G3BP1: variants seen among roughly 807,000 people sequenced by gnomAD.
G3BP1 encodes the protein G3BP stress granule assembly factor 1.
In G3BP1, 35 loss-of-function variants were observed where a neutral mutation model predicts 58.6. The observed-to-expected ratio is 0.60, with a 90% CI of 0.46 to 0.79. The LOEUF is 0.79. Among genes scored for constraint, G3BP1 ranks in the 30% least tolerant of loss-of-function variants. G3BP1 has a pLI of 0.00. For missense variants in G3BP1, 523 were observed against 580.8 expected (o/e 0.90, Z 1.02); for synonymous variants, 191 against 195.4 (o/e 0.98, Z 0.19).
Position 151,786,581 on chromosome 5 carries a change from T to C in G3BP1, c.-40T>C, listed in dbSNP as rs569792188. 2 of 1,251,542 alleles carry C rather than the reference T, an allele frequency of 1.6e-6. No homozygotes were observed. Among genetic ancestry groups the C allele is most frequent in the African/African-American group, 2.9e-5 (2 of 68,108 alleles). The allele number at this position is 1,251,542 out of a possible 1,614,324, so 77.5% of individuals were successfully genotyped here. A position where few individuals can be genotyped will look rare whatever the true frequency, so the allele number is the denominator to read the frequency against. ...GTGTTTGATCCTTCAGGTTTGGACA[T>C]ATTTGACTCTTTTCCCCCCAGGTTG... On this transcript the variant is annotated 5_prime_UTR_variant, in exon 2 of 12. Transcript: ENST00000356245.
chr5:151,803,865 G>C lies in G3BP1; in HGVS notation c.1195-20G>C, dbSNP rs182597886. 1.5e-3 allele frequency: 2,274 copies of C among 1,554,934 alleles called. 4 individuals are homozygous for C. Among genetic ancestry groups the C allele is most frequent in the Non-Finnish European group, 1.6e-3 (1,800 of 1,127,094 alleles). On this transcript the variant is annotated intron_variant, in intron 11 of 11. Coordinates refer to ENST00000356245, the MANE Select transcript of G3BP1 (RefSeq NM_005754.3). ...CCAGCTCATCAGTACTCTTAAGTCTGGTCACCTTGATTCTTACAGCCCATC... is the reference window on the plus strand; with the variant it reads ...CCAGCTCATCAGTACTCTTAAGTCTCGTCACCTTGATTCTTACAGCCCATC...
At position 151,800,776 on chromosome 5, in the gene G3BP1, G is replaced by C. The variant is rs774554057; in HGVS notation, c.1101G>C (p.Val367=). Residue 367 remains valine, a synonymous_variant, in exon 11 of 12, where the codon GTG becomes GTC. Transcript: ENST00000356245. ...CACTTGCAGGTTATGGAAACGTGGT[G>C]GAGTTGCGCATTAACAGTGGTGGGA... ...KDFFQSYGNV[V]ELRINSGGKL... 1.6e-5 allele frequency: 25 copies of C among 1,607,622 alleles called. No individual in the cohort carries two copies. The highest frequency in any genetic ancestry group is 2.0e-5 in the Non-Finnish European group (24 of 1,174,208).
chr5:151,781,672 C>T (rs929117049), intron 1 of G3BP1, among the ~76,000 whole-genome samples: 3 of 152,226 alleles, frequency 2.0e-5, no homozygotes, highest in African/African-American at 7.2e-5. Context: ...GGTTACCTGT[C>T]ATTTCAGAGA....
chr5:151,776,547 T>C (rs1184916591), intron 1 of G3BP1, among the ~76,000 whole-genome samples: 2 of 152,224 alleles, frequency 1.3e-5, no homozygotes, highest in East Asian at 3.8e-4. Context: ...GCAGCTATTA[T>C]TACTTCGGGG....
rs765896498 is a variant in G3BP1 at position 151,786,583 on chromosome 5, T to C, written c.-38T>C. The C allele has an allele frequency of 7.7e-7, 1 of 1,298,874 alleles. No individual in the cohort carries two copies. The highest frequency in any genetic ancestry group is 1.1e-6 in the Non-Finnish European group (1 of 892,278). 80.5% of individuals were successfully genotyped at this position (1,298,874 alleles called of 1,614,324 possible). A position where few individuals can be genotyped will look rare whatever the true frequency, so the allele number is the denominator to read the frequency against. On this transcript the variant is annotated 5_prime_UTR_variant, in exon 2 of 12. Transcript: ENST00000356245. ...GTTTGATCCTTCAGGTTTGGACATA[T>C]TTGACTCTTTTCCCCCCAGGTTGAA...
chr5:151,792,154 G>A, intron 4 of G3BP1: 1 of 456,054 alleles, frequency 2.2e-6, no homozygotes, highest in Admixed American at 2.4e-5. Flanking sequence ...AGTTTATGTT[G>A]AATGATTGCA....
chr5:151,796,142 A>G lies in G3BP1; in HGVS notation c.539+567A>G, dbSNP rs145644776. Among the ~76,000 whole-genome samples the G allele has an allele frequency of 1.4e-3, 209 of 152,274 alleles. 1 individual carries two copies. Among genetic ancestry groups the G allele is most frequent in the African/African-American group, 4.7e-3 (195 of 41,540 alleles). ...ATTCAGTGCCTGAAGGGTGTTTTCA[A>G]GTGTTTCTTAAGGTGTGATGAACTA... On this transcript the variant is annotated intron_variant, in intron 6 of 11. Transcript: ENST00000356245.
intron 1 of G3BP1, among the ~76,000 whole-genome samples, chr5:151,775,603 C>T (rs555857314): frequency 6.6e-6 from 1 of 152,374 alleles, no homozygotes; most frequent in East Asian, 1.9e-4. Context: ...AAGCCATAGG[C>T]TGTGCCTTAA....
chr5:151,805,140 C>T lies in G3BP1; in HGVS notation c.*1049C>T, dbSNP rs1062177. On this transcript the variant is annotated 3_prime_UTR_variant, in exon 12 of 12. Coordinates refer to ENST00000356245, the MANE Select transcript of G3BP1 (RefSeq NM_005754.3). ...AGCATTTGTATTTTTATTCTGGTATCTAATCAGATTCCTAATCATAGCCCG... is the reference window on the plus strand; with the variant it reads ...AGCATTTGTATTTTTATTCTGGTATTTAATCAGATTCCTAATCATAGCCCG... 0.2 allele frequency: 30,056 copies of T among 152,470 alleles called. 3,716 individuals carry two copies. The highest frequency in any genetic ancestry group is 0.32 in the South Asian group (1,539 of 4,826). The allele number at this position is 152,470 out of a possible 1,614,324, so 9.4% of individuals were successfully genotyped here.
At chr5:151,795,444 G>A in intron 5 of G3BP1, 35 bp from the exon 6 acceptor site, 1 of 1,101,846 alleles carries the variant, frequency 9.1e-7, no homozygotes, top group Non-Finnish European at 1.4e-6. Context: ...AATTCAGTAA[G>A]TACAAATTAC....
At chr5:151,785,133 G>GT (rs1762535903) in intron 1 of G3BP1, among the ~76,000 whole-genome samples, 1 of 152,176 alleles carries the variant, frequency 6.6e-6, no homozygotes, top group Admixed American at 6.5e-5. Flanking sequence ...GATTACAGGC[G>GT]TGAGCCACCG....
At chr5:151,775,119 T>G (rs1220628681) in intron 1 of G3BP1, among the ~76,000 whole-genome samples, 1 of 152,132 alleles carries the variant, frequency 6.6e-6, no homozygotes, top group Non-Finnish European at 1.5e-5. Flanking sequence ...GTAAATAAGG[T>G]CTTTAGGCGA....
chr5:151,809,837 C>T lies in G3BP1; in HGVS notation c.*5746C>T, dbSNP rs1314784095. ...TCTGTAGTTTTCATACCCCTGTTTT[C>T]TCAATTTTCTTAGAACTGTCTTTAA... On this transcript the variant is annotated 3_prime_UTR_variant, in exon 12 of 12. Coordinates refer to ENST00000356245, the MANE Select transcript of G3BP1 (RefSeq NM_005754.3). 1.3e-5 allele frequency: 2 copies of T among 152,148 alleles called. No homozygotes were observed. The highest frequency in any genetic ancestry group is 4.8e-5 in the African/African-American group (2 of 41,428). 9.4% of individuals were successfully genotyped at this position (152,148 alleles called of 1,614,324 possible). A position where few individuals can be genotyped will look rare whatever the true frequency, so the allele number is the denominator to read the frequency against.
At chr5:151,774,013 C>T (rs1158500423) in intron 1 of G3BP1, among the ~76,000 whole-genome samples, 1 of 152,174 alleles carries the variant, frequency 6.6e-6, no homozygotes, top group Non-Finnish European at 1.5e-5. Context: ...TGGGCAGGAA[C>T]ATGAAAATTA....
chr5:151,800,677 G>C, intron 10 of G3BP1, 83 bp from the exon 11 acceptor site: 1 of 836,142 alleles, frequency 1.2e-6, no homozygotes, highest in Non-Finnish European at 2.1e-6. Flanking sequence ...CATGCATCTA[G>C]TGGCTACTGT....
At chr5:151,780,817 T>C (rs150893066) in intron 1 of G3BP1, among the ~76,000 whole-genome samples, 44 of 152,328 alleles carry the variant, frequency 2.9e-4, no homozygotes, top group African/African-American at 9.1e-4. Context: ...TGGCTGATAA[T>C]GCTCATAGTT....
chr5:151,778,765 T>C (rs1762416315), intron 1 of G3BP1, among the ~76,000 whole-genome samples: 1 of 151,398 alleles, frequency 6.6e-6, no homozygotes, highest in Admixed American at 6.6e-5. Context: ...TTTTAAAAAT[T>C]AGAGATATGG....
chr5:151,781,259 C>G (rs964263910), intron 1 of G3BP1, among the ~76,000 whole-genome samples: 2 of 152,122 alleles, frequency 1.3e-5, no homozygotes, highest in African/African-American at 2.4e-5. Flanking sequence ...CATTTGCAGT[C>G]AAGAGAAATG....
At chr5:151,781,749 TTTC>T (rs1323936094) in intron 1 of G3BP1, among the ~76,000 whole-genome samples, 1 of 152,232 alleles carries the variant, frequency 6.6e-6, no homozygotes, top group Non-Finnish European at 1.5e-5. Context: ...TGCAAATGAT[TTTC>T]TTATTTTCTT....
Sources: allele counts gnomAD v4.1 joint callset (sites outside exome capture counted in the v4.1 genomes callset), GRCh38; gene constraint gnomAD v4.1.1; transcripts MANE v1.5; gene names NCBI Gene and HGNC (gene_info 2026-07-23, HGNC 2026-07-21).